The following RBFOX1 variants were observed in gnomAD, a reference collection of about 807,000 sequenced individuals.
The protein encoded by RBFOX1 is RNA binding protein fox-1 homolog 1.
In RBFOX1, 8 loss-of-function variants were observed where a neutral mutation model predicts 57.7. The ratio of observed to expected loss-of-function variants is 0.14; its 90% confidence interval spans 0.08 to 0.25. RBFOX1 has a LOEUF of 0.25. Among genes scored for constraint, RBFOX1 ranks in the 10% least tolerant of loss-of-function variants. The probability of loss-of-function intolerance (pLI) is 1.00; values close to 1 mark genes in which losing one functional copy is unlikely to be tolerated. For synonymous variants in RBFOX1, 326 were observed against 222.4 expected, an observed-to-expected ratio of 1.47 and a Z score of -4.15; for missense variants, 611 against 548.5, an observed-to-expected ratio of 1.11 and a Z score of -1.14.
intron 4 of RBFOX1, among the ~76,000 whole-genome samples, chr16:7,390,507 C>T (rs901611808): frequency 6.6e-6 from 1 of 152,186 alleles, no homozygotes; most frequent in Non-Finnish European, 1.5e-5. Context: ...AAAAGAATAC[C>T]TTCTTCACAA....
At chr16:6,894,883 A>G (rs970498245) in intron 3 of RBFOX1, among the ~76,000 whole-genome samples, 1 of 152,204 alleles carries the variant, frequency 6.6e-6, no homozygotes, top group African/African-American at 2.4e-5. Flanking sequence ...TGGATGTTTC[A>G]TAAGTAGCAT....
intron 3 of RBFOX1, among the ~76,000 whole-genome samples, chr16:6,981,587 G>A (rs1306060256): frequency 6.6e-6 from 1 of 152,130 alleles, no homozygotes; most frequent in Non-Finnish European, 1.5e-5. Flanking sequence ...ACGTGGCTGG[G>A]GAGGCCTCAC....
intron 3 of RBFOX1, among the ~76,000 whole-genome samples, chr16:5,847,369 G>T (rs573745951): frequency 1.5e-4 from 23 of 149,070 alleles, no homozygotes; most frequent in African/African-American, 5.1e-4. Context: ...AAAAAATGGG[G>T]GTGGGGGGGG....
chr16:5,899,267 G>A (rs756885871), intron 4 of RBFOX1, among the ~76,000 whole-genome samples: 4 of 152,028 alleles, frequency 2.6e-5, no homozygotes, highest in Non-Finnish European at 4.4e-5. Flanking sequence ...TAGTCTAAGG[G>A]GAAAGAGATC....
At chr16:5,280,348 C>T (rs1451482629) in intron 1 of RBFOX1, among the ~76,000 whole-genome samples, 5 of 152,188 alleles carry the variant, frequency 3.3e-5, no homozygotes, top group South Asian at 2.1e-4. Context: ...AGTATTATGC[C>T]GAGAATTTTT....
chr16:5,735,837 C>G (rs1283296063), intron 3 of RBFOX1, among the ~76,000 whole-genome samples: 1 of 152,122 alleles, frequency 6.6e-6, no homozygotes, highest in Non-Finnish European at 1.5e-5. Context: ...GATGGCACCA[C>G]TGCACTCCAG....
At chr16:7,415,732 A>G (rs942605418) in intron 4 of RBFOX1, among the ~76,000 whole-genome samples, 30 of 152,182 alleles carry the variant, frequency 2.0e-4, no homozygotes, top group African/African-American at 7.0e-4. Flanking sequence ...TTTCTTCTCT[A>G]CCCAGCAATG....
chr16:6,928,791 A>G (rs1411513371), intron 3 of RBFOX1, among the ~76,000 whole-genome samples: 6 of 152,154 alleles, frequency 3.9e-5, no homozygotes, highest in Non-Finnish European at 1.5e-5. Context: ...TTCCGCTATG[A>G]AAAGACATAT....
chr16:7,355,574 A>G (rs574646387), intron 4 of RBFOX1, among the ~76,000 whole-genome samples: 27 of 152,272 alleles, frequency 1.8e-4, no homozygotes, highest in Middle Eastern at 3.4e-3. Context: ...GATTTTGCTC[A>G]TTGCTTTTAT....
intron 3 of RBFOX1, among the ~76,000 whole-genome samples, chr16:6,863,775 C>A (rs2059433589): frequency 2.6e-5 from 3 of 114,010 alleles, no homozygotes; most frequent in South Asian, 6.3e-4. Flanking sequence ...TACAACCTTA[C>A]AGAGGTAATA....
chr16:7,610,889 G>A (rs1018789969), intron 10 of RBFOX1, among the ~76,000 whole-genome samples: 6 of 152,078 alleles, frequency 3.9e-5, no homozygotes, highest in Non-Finnish European at 7.4e-5. Flanking sequence ...AGAATTTATG[G>A]GGCATTTAAA....
chr16:5,737,479 C>G (rs575857654), intron 3 of RBFOX1, among the ~76,000 whole-genome samples: 4 of 147,298 alleles, frequency 2.7e-5, no homozygotes, highest in African/African-American at 7.4e-5. Context: ...GAGTGAGACT[C>G]CATCTCAAAA....
intron 4 of RBFOX1, among the ~76,000 whole-genome samples, chr16:7,236,827 C>T (rs939739636): frequency 1.3e-5 from 2 of 152,086 alleles, no homozygotes; most frequent in Non-Finnish European, 2.9e-5. Flanking sequence ...CATATCTTGT[C>T]CTCAGCAAAG....
At chr16:6,037,371 G>A (rs2095378688) in intron 1 of RBFOX1, 1 of 152,042 alleles carries the variant, frequency 6.6e-6, no homozygotes, top group Non-Finnish European at 1.5e-5. Context: ...CAACATTTCT[G>A]TGAAGTTCTT....
intron 1 of RBFOX1, among the ~76,000 whole-genome samples, chr16:5,335,915 G>A (rs778531003): frequency 6.6e-6 from 1 of 152,156 alleles, no homozygotes; most frequent in Non-Finnish European, 1.5e-5. Flanking sequence ...TATGGATTCT[G>A]TGAGCCAGGT....
intron 1 of RBFOX1, among the ~76,000 whole-genome samples, chr16:6,198,369 A>C (rs2097194030): frequency 1.3e-5 from 2 of 152,198 alleles, no homozygotes; most frequent in Non-Finnish European, 2.9e-5. Context: ...TGCTCTCTAA[A>C]CATAATCAGC....
chr16:6,623,334 A>G (rs1330186404), intron 2 of RBFOX1, among the ~76,000 whole-genome samples: 2 of 152,162 alleles, frequency 1.3e-5, no homozygotes, highest in Non-Finnish European at 2.9e-5. Flanking sequence ...GATGCTGAGA[A>G]GGGCCTGAGA....
At chr16:6,700,253 C>G (rs1198192834) in intron 3 of RBFOX1, among the ~76,000 whole-genome samples, 1 of 152,046 alleles carries the variant, frequency 6.6e-6, no homozygotes, top group African/African-American at 2.4e-5. Context: ...TCAGGGCTTC[C>G]TCTCAATAGC....
intron 4 of RBFOX1, among the ~76,000 whole-genome samples, chr16:7,068,072 G>T (rs567591878): frequency 6.5e-4 from 98 of 151,334 alleles, no homozygotes; most frequent in Non-Finnish European, 8.8e-4. Flanking sequence ...GTATCTGTCG[G>T]ACTGGTTTCT....
Sources: gnomAD v4.1 joint callset for allele counts (sites outside exome capture counted in the v4.1 genomes callset) on GRCh38, gnomAD v4.1.1 for gene constraint, MANE v1.5 for transcripts, NCBI Gene and HGNC (gene_info 2026-07-23, HGNC 2026-07-21) for gene names.